Variants in MOB3B observed in about 807,000 individuals in gnomAD.
MOB3B encodes MOB kinase activator 3B.
A neutral mutation model predicts 18.7 loss-of-function variants in MOB3B; 7 were observed. That is an observed-to-expected ratio of 0.37 (90% confidence interval 0.21 to 0.70). MOB3B has a LOEUF of 0.70. Among genes scored for constraint, MOB3B ranks in the 30% least tolerant of loss-of-function variants. The pLI is 0.52. For missense variants in MOB3B, 253 were observed against 281.3 expected (o/e 0.90, Z 0.72); for synonymous variants, 111 against 99.9 (o/e 1.11, Z -0.66).
At chr9:27,518,637 G>A (rs1018107886) in intron 1 of MOB3B, among the ~76,000 whole-genome samples, 4 of 152,242 alleles carry the variant, frequency 2.6e-5, no homozygotes, top group Middle Eastern at 3.4e-3. Flanking sequence ...AAGTTACTAC[G>A]TGCATAATCT....
At chr9:27,497,610 T>G (rs983120626) in intron 1 of MOB3B, among the ~76,000 whole-genome samples, 2 of 151,938 alleles carry the variant, frequency 1.3e-5, no homozygotes, top group African/African-American at 4.8e-5. Flanking sequence ...TTTCCTAAAT[T>G]TTTGTAGTTT....
At chr9:27,482,038 T>C (rs1473384990) in intron 1 of MOB3B, among the ~76,000 whole-genome samples, 1 of 151,298 alleles carries the variant, frequency 6.6e-6, no homozygotes, top group Admixed American at 6.6e-5. Flanking sequence ...ATGAAACAAA[T>C]GAACGAAAAG....
chr9:27,498,107 C>T (rs936853896), intron 1 of MOB3B, among the ~76,000 whole-genome samples: 2 of 152,172 alleles, frequency 1.3e-5, no homozygotes, highest in Non-Finnish European at 2.9e-5. Flanking sequence ...CTGCCCACCC[C>T]CTTCTCCAGG....
intron 2 of MOB3B, among the ~76,000 whole-genome samples, chr9:27,418,467 A>AT (rs1408688514): frequency 1.3e-5 from 2 of 152,216 alleles, no homozygotes; most frequent in Non-Finnish European, 2.9e-5. Context: ...ATCCAACAAC[A>AT]TATCAAGAAG....
chr9:27,494,423 C>A (rs550832936), intron 1 of MOB3B, among the ~76,000 whole-genome samples: 2 of 152,126 alleles, frequency 1.3e-5, no homozygotes, highest in African/African-American at 2.4e-5. Flanking sequence ...TGGACCCTAC[C>A]GACATGTGAT....
chr9:27,524,901 G>A (rs771187196), intron 1 of MOB3B: 1 of 1,611,646 alleles, frequency 6.2e-7, no homozygotes, highest in Non-Finnish European at 8.5e-7. Context: ...TGTCCGAGTG[G>A]AAATCAGAAG....
chr9:27,515,934 G>A (rs562591433), intron 1 of MOB3B, among the ~76,000 whole-genome samples: 135 of 152,334 alleles, frequency 8.9e-4, no homozygotes, highest in Non-Finnish European at 1.6e-3. Context: ...TTAAGAAGAT[G>A]TCATACTGGA....
intron 1 of MOB3B, among the ~76,000 whole-genome samples, chr9:27,478,885 G>GAAAGTCAT (rs766136867): frequency 6.6e-6 from 1 of 150,542 alleles, no homozygotes; most frequent in Non-Finnish European, 1.5e-5. Context: ...GCACCAAAGA[G>GAAAGTCAT]AAAGTCATAC....
At chr9:27,484,930 A>T (rs1819712462) in intron 1 of MOB3B, among the ~76,000 whole-genome samples, 1 of 152,156 alleles carries the variant, frequency 6.6e-6, no homozygotes, top group South Asian at 2.1e-4. Context: ...AGTGACCATT[A>T]TACCTCAGTT....
chr9:27,367,742 C>T (rs1563851525), intron 2 of MOB3B, among the ~76,000 whole-genome samples: 1 of 152,160 alleles, frequency 6.6e-6, no homozygotes, highest in Non-Finnish European at 1.5e-5. Flanking sequence ...GCAAATGAAA[C>T]AGGACAGGTG....
chr9:27,425,307 G>A (rs962719536), intron 2 of MOB3B, among the ~76,000 whole-genome samples: 4 of 151,290 alleles, frequency 2.6e-5, no homozygotes, highest in African/African-American at 7.3e-5. Context: ...CCCAGGAGGC[G>A]GAGGTTGCGG....
At chr9:27,417,296 G>A (rs1036165675) in intron 2 of MOB3B, among the ~76,000 whole-genome samples, 3 of 152,196 alleles carry the variant, frequency 2.0e-5, no homozygotes, top group East Asian at 1.9e-4. Context: ...CCTGGGAGGC[G>A]GAGCTTGCAG....
intron 3 of MOB3B, among the ~76,000 whole-genome samples, chr9:27,358,419 C>T (rs1680714165): frequency 6.6e-6 from 1 of 152,168 alleles, no homozygotes; most frequent in African/African-American, 2.4e-5. Context: ...TCCCCATTCA[C>T]CTAAACAATA....
intron 1 of MOB3B, among the ~76,000 whole-genome samples, chr9:27,465,112 GTCTCATCTGAGACAAGGCAA>G: frequency 6.6e-6 from 1 of 152,146 alleles, no homozygotes; most frequent in East Asian, 1.9e-4. Flanking sequence ...ATAGTCCAAA[GTCTCATCTGAGACAAGGCAA>G]GTCCCTTCCA....
chr9:27,497,892 T>C (rs1034824401), intron 1 of MOB3B, among the ~76,000 whole-genome samples: 1 of 152,204 alleles, frequency 6.6e-6, no homozygotes, highest in African/African-American at 2.4e-5. Context: ...TTAGAAGCAG[T>C]CCACTGATTT....
At chr9:27,509,737 G>GT (rs1412807284) in intron 1 of MOB3B, among the ~76,000 whole-genome samples, 1 of 149,826 alleles carries the variant, frequency 6.7e-6, no homozygotes, top group Non-Finnish European at 1.5e-5. Flanking sequence ...TTTTTTGGAG[G>GT]TTTTTTGAGA....
At chr9:27,466,817 T>A (rs1819390940) in intron 1 of MOB3B, among the ~76,000 whole-genome samples, 1 of 152,146 alleles carries the variant, frequency 6.6e-6, no homozygotes, top group Non-Finnish European at 1.5e-5. Context: ...TATCTCCCCT[T>A]GGGTCCGTCC....
At chr9:27,382,671 CT>C (rs1401143270) in intron 2 of MOB3B, among the ~76,000 whole-genome samples, 6 of 151,680 alleles carry the variant, frequency 4.0e-5, no homozygotes, top group Admixed American at 3.9e-4. Flanking sequence ...TAAATGTGAA[CT>C]TGCAGTAAGA....
intron 2 of MOB3B, among the ~76,000 whole-genome samples, chr9:27,447,666 A>G (rs1307956603): frequency 6.6e-6 from 1 of 152,076 alleles, no homozygotes; most frequent in Non-Finnish European, 1.5e-5. Flanking sequence ...TTCTTTGCAC[A>G]CTGGAGGCCC....
Sources: allele counts gnomAD v4.1 joint callset (sites outside exome capture counted in the v4.1 genomes callset), GRCh38; gene constraint gnomAD v4.1.1; transcripts MANE v1.5; gene names NCBI Gene and HGNC (gene_info 2026-07-23, HGNC 2026-07-21).